The following HSD17B4 variants were observed in gnomAD, a reference collection of about 807,000 sequenced individuals.
HSD17B4 encodes the protein hydroxysteroid 17-beta dehydrogenase 4, also known as peroxisomal multifunctional enzyme type 2.
Under a neutral mutation model 101.0 loss-of-function variants are expected in HSD17B4, and 70 were observed. That is an observed-to-expected ratio of 0.69 (90% CI 0.57 to 0.85). HSD17B4 has a LOEUF of 0.85. HSD17B4 is among the 40% of genes least tolerant of loss of function. The pLI is 0.00. For missense variants in HSD17B4, 984 were observed against 892.4 expected (o/e 1.10, Z -1.31); for synonymous variants, 347 against 297.1 (o/e 1.17, Z -1.73).
intron 1 of HSD17B4, 48 bp downstream of exon 1, chr5:119,452,681 G>A (rs1754172716): frequency 6.2e-7 from 1 of 1,612,110 alleles, no homozygotes. Context: ...AGGCGCAGCT[G>A]GCTGCTCTTT....
chr5:119,477,714 T>C (rs1179920105), intron 7 of HSD17B4: 2 of 538,954 alleles, frequency 3.7e-6, no homozygotes, highest in East Asian at 6.4e-5. Flanking sequence ...ATTTATTTTT[T>C]ACCTCTTTTT....
chr5:119,503,500 G>A (rs1259553420), intron 14 of HSD17B4, among the ~76,000 whole-genome samples: 3 of 152,054 alleles, frequency 2.0e-5, no homozygotes, highest in African/African-American at 7.2e-5. Flanking sequence ...GATATTTGTG[G>A]TTTGGAACCT....
intron 2 of HSD17B4, among the ~76,000 whole-genome samples, chr5:119,461,874 C>G (rs1191121122): frequency 6.6e-6 from 1 of 151,896 alleles, no homozygotes; most frequent in African/African-American, 2.4e-5. Context: ...ACAGTGATAC[C>G]CTGTCTCAAG....
Position 119,525,953 on chromosome 5 carries a change from T to A in HSD17B4, c.1610T>A (p.Phe537Tyr). 1 of 1,611,666 alleles carries A rather than the reference T, an allele frequency of 6.2e-7. No individual in the cohort carries two copies. The highest frequency in any genetic ancestry group is 8.5e-7 in the Non-Finnish European group (1 of 1,178,010). Residue 537 changes from phenylalanine (F) to tyrosine (Y), a missense_variant, in exon 19 of 24, where the codon TTT becomes TAT. Phe to Tyr is a conservative substitution (Grantham distance 22, BLOSUM62 3). Coordinates refer to ENST00000510025, the MANE Select transcript of HSD17B4 (RefSeq NM_000414.4). Reference protein sequence around the residue: ...DKPILHGLCTFGFSARRVLQQ... With the variant: ...DKPILHGLCTYGFSARRVLQQ... ...CCCATATTACATGGATTATGTACAT[T>A]TGGATTTTCTGCCAGGCGTGTGTTA...
chr5:119,492,353 A>G, intron 10 of HSD17B4: 1 of 565,014 alleles, frequency 1.8e-6, no homozygotes, highest in Non-Finnish European at 3.2e-6. Context: ...GGTAGTCCTT[A>G]TTCAGGACTT....
intron 2 of HSD17B4, chr5:119,456,605 G>A (rs1056368128): frequency 7.8e-6 from 4 of 513,902 alleles, no homozygotes; most frequent in African/African-American, 5.8e-5. Context: ...CTAGGGGGTA[G>A]GCATGCTGGC....
intron 13 of HSD17B4, among the ~76,000 whole-genome samples, chr5:119,501,090 T>C (rs1751116809): frequency 6.6e-6 from 1 of 152,104 alleles, no homozygotes; most frequent in African/African-American, 2.4e-5. Context: ...GCTGTTTCAT[T>C]CACACTCCCA....
intron 8 of HSD17B4, among the ~76,000 whole-genome samples, chr5:119,488,745 A>G (rs1167611369): frequency 3.9e-5 from 6 of 152,130 alleles, no homozygotes; most frequent in African/African-American, 1.4e-4. Flanking sequence ...CTGGTGGTCT[A>G]GTGGTTAGGA....
intron 4 of HSD17B4, 31 bp downstream of exon 4, chr5:119,474,491 G>T: frequency 7.4e-7 from 1 of 1,345,576 alleles, no homozygotes; most frequent in Non-Finnish European, 1.1e-6. Context: ...GGCTCTTGTG[G>T]AGCAACTTCT....
chr5:119,476,841 G>A (rs895823608), intron 6 of HSD17B4: 3 of 296,388 alleles, frequency 1.0e-5, no homozygotes, highest in Non-Finnish European at 1.5e-5. Context: ...ATATACACAT[G>A]AAAACATTTG....
intron 8 of HSD17B4, among the ~76,000 whole-genome samples, chr5:119,480,340 C>T (rs1046498425): frequency 5.9e-5 from 9 of 151,958 alleles, no homozygotes; most frequent in East Asian, 1.9e-4. Context: ...TCCTAAGCAT[C>T]GGCTGGCTTG....
intron 2 of HSD17B4, chr5:119,456,621 G>A: frequency 2.0e-6 from 1 of 490,302 alleles, no homozygotes; most frequent in Non-Finnish European, 3.7e-6. Context: ...CTGGCTTGTG[G>A]CTATAACTCC....
At chr5:119,531,236 T>C (rs1405955028) in intron 21 of HSD17B4, 30 bp from the exon 22 acceptor site, 3 of 1,611,506 alleles carry the variant, frequency 1.9e-6, no homozygotes, top group Non-Finnish European at 2.5e-6. Flanking sequence ...TTTACAGAAC[T>C]TTTAAAGTTT....
chr5:119,454,610 G>T (rs189158422), intron 1 of HSD17B4, among the ~76,000 whole-genome samples: 2 of 151,740 alleles, frequency 1.3e-5, no homozygotes, highest in African/African-American at 4.8e-5. Flanking sequence ...TTGGAAAACT[G>T]TATATTTTTG....
At chr5:119,453,631 G>A (rs1199067822) in intron 1 of HSD17B4, among the ~76,000 whole-genome samples, 4 of 152,154 alleles carry the variant, frequency 2.6e-5, no homozygotes, top group African/African-American at 9.7e-5. Flanking sequence ...GTTACAAACT[G>A]GAATTCTGTC....
intron 21 of HSD17B4, 175 bp downstream of exon 21, chr5:119,530,155 T>C (rs1753940596): frequency 1.7e-6 from 1 of 603,800 alleles, no homozygotes; most frequent in South Asian, 2.0e-5. Flanking sequence ...ACTCTGGCAA[T>C]TTATGAACTT....
intron 8 of HSD17B4, among the ~76,000 whole-genome samples, chr5:119,479,532 G>A (rs1379624252): frequency 2.0e-5 from 3 of 152,104 alleles, no homozygotes; most frequent in African/African-American, 7.2e-5. Flanking sequence ...TTGTACAAAT[G>A]TATGGGTTTT....
chr5:119,496,415 A>T (rs1261524172), intron 11 of HSD17B4, 128 bp from the exon 12 acceptor site: 1 of 675,982 alleles, frequency 1.5e-6, no homozygotes, highest in Non-Finnish European at 2.7e-6. Context: ...TCAGTTCATG[A>T]GTGGCAATGG....
intron 2 of HSD17B4, among the ~76,000 whole-genome samples, chr5:119,469,052 G>A (rs1472332238): frequency 6.7e-6 from 1 of 149,660 alleles, no homozygotes; most frequent in Admixed American, 6.6e-5. Flanking sequence ...TTTATTCATT[G>A]TATTCTTAAG....
Sources: gnomAD v4.1 joint callset for allele counts (sites outside exome capture counted in the v4.1 genomes callset) on GRCh38, gnomAD v4.1.1 for gene constraint, MANE v1.5 for transcripts, NCBI Gene and HGNC (gene_info 2026-07-23, HGNC 2026-07-21) for gene names.